Variants in PBX3 observed in about 807,000 individuals in gnomAD.
PBX3 encodes the protein pre-B-cell leukemia transcription factor 3.
In PBX3, 14 loss-of-function variants were observed where a neutral mutation model predicts 48.5. The observed-to-expected ratio is 0.29, with a 90% confidence interval of 0.19 to 0.45. PBX3 has a LOEUF of 0.45. Among genes scored for constraint, PBX3 ranks in the 20% least tolerant of loss-of-function variants. The pLI is 1.00. For missense variants in PBX3, 386 were observed against 546.7 expected (o/e 0.71, Z 2.93); for synonymous variants, 210 against 200.3 (o/e 1.05, Z -0.41).
chr9:125,772,192 G>T (rs10986896), intron 2 of PBX3, among the ~76,000 whole-genome samples: 3,044 of 152,258 alleles, frequency 0.02, 171 homozygotes, highest in East Asian at 0.17. Flanking sequence ...TGCTTATTAT[G>T]TGAAGTATTA....
intron 3 of PBX3, among the ~76,000 whole-genome samples, chr9:125,919,359 A>ATTTTTTTTT (rs34891465): frequency 0.022 from 2,307 of 102,596 alleles, no homozygotes; most frequent in East Asian, 0.03. Flanking sequence ...TGCCCGTCTA[A>ATTTTTTTTT]TTTTTTTTTT....
chr9:125,789,000 T>C (rs1331401471), intron 2 of PBX3, among the ~76,000 whole-genome samples: 2 of 152,244 alleles, frequency 1.3e-5, no homozygotes, highest in Admixed American at 1.3e-4. Context: ...TATTGCATGT[T>C]TTTGAACCTT....
At chr9:125,917,750 G>A (rs1841366207) in intron 3 of PBX3, among the ~76,000 whole-genome samples, 1 of 152,076 alleles carries the variant, frequency 6.6e-6, no homozygotes, top group African/African-American at 2.4e-5. Context: ...AGAAAAATTT[G>A]TATAGCTTTA....
intron 2 of PBX3, among the ~76,000 whole-genome samples, chr9:125,896,857 A>C (rs1181558867): frequency 6.6e-6 from 1 of 152,030 alleles, no homozygotes; most frequent in Non-Finnish European, 1.5e-5. Flanking sequence ...TTTACACTCT[A>C]ACAAATGTTA....
At chr9:125,809,462 T>C (rs1838224471) in intron 2 of PBX3, among the ~76,000 whole-genome samples, 1 of 151,486 alleles carries the variant, frequency 6.6e-6, no homozygotes, top group Admixed American at 6.6e-5. Flanking sequence ...ATCCTAAGGC[T>C]CCAGGTATTA....
chr9:125,887,336 T>G lies in PBX3; in HGVS notation c.275-28350T>G, dbSNP rs72752642. Among the ~76,000 whole-genome samples the G allele has an allele frequency of 7.3e-3, 1,114 of 152,272 alleles. 16 individuals are homozygous for G. Among genetic ancestry groups the G allele is most frequent in the Non-Finnish European group, 9.0e-3 (610 of 67,972 alleles). ...GTATAGCATATTGTAATTTGACACTTAAGTTGTGCCCTGCATTACCCTGTG... is the reference window on the plus strand; with the variant it reads ...GTATAGCATATTGTAATTTGACACTGAAGTTGTGCCCTGCATTACCCTGTG... On this transcript the variant is annotated intron_variant, in intron 2 of 8. Transcript: ENST00000373489.
chr9:125,895,512 G>A (rs1394741559), intron 2 of PBX3, among the ~76,000 whole-genome samples: 1 of 151,952 alleles, frequency 6.6e-6, no homozygotes, highest in Non-Finnish European at 1.5e-5. Flanking sequence ...TAGGTACTCA[G>A]TACACCTGGA....
chr9:125,958,880 T>G (rs1842365834), intron 5 of PBX3, among the ~76,000 whole-genome samples: 1 of 152,216 alleles, frequency 6.6e-6, no homozygotes, highest in Non-Finnish European at 1.5e-5. Context: ...AAACTCACTG[T>G]CTTCCTCTCT....
chr9:125,927,854 C>T (rs1038163974), intron 3 of PBX3, among the ~76,000 whole-genome samples: 1 of 152,006 alleles, frequency 6.6e-6, no homozygotes, highest in African/African-American at 2.4e-5. Flanking sequence ...GTCTGGGCAA[C>T]ATAGCAAGAC....
rs141010380 is a variant in PBX3, at chr9:125,761,304, A to G, written c.274+12681A>G. ...TATTTAATATTGGTTAACTTTTTAGAGTGATCTATTGCATTTGAAAATATT... is the reference window on the plus strand; with the variant it reads ...TATTTAATATTGGTTAACTTTTTAGGGTGATCTATTGCATTTGAAAATATT... On this transcript the variant is annotated intron_variant, in intron 2 of 8. Coordinates refer to ENST00000373489, the MANE Select transcript of PBX3 (RefSeq NM_006195.6). 8.7e-3 allele frequency among the ~76,000 whole-genome samples: 1,321 copies of G among 151,964 alleles called. 59 individuals are homozygous for G. The highest frequency in any genetic ancestry group is 0.068 in the Admixed American group (1,032 of 15,254).
At chr9:125,757,496 G>T (rs577347218) in intron 2 of PBX3, among the ~76,000 whole-genome samples, 34 of 152,042 alleles carry the variant, frequency 2.2e-4, no homozygotes, top group African/African-American at 7.7e-4. Flanking sequence ...ATGTTGATTG[G>T]GACTGTTGGT....
At chr9:125,868,361 G>C (rs1312900808) in intron 2 of PBX3, among the ~76,000 whole-genome samples, 3 of 152,186 alleles carry the variant, frequency 2.0e-5, no homozygotes, top group African/African-American at 7.2e-5. Context: ...TTGTAGTTCA[G>C]TTTCTAGCCA....
chr9:125,792,057 C>T (rs903319231), intron 2 of PBX3, among the ~76,000 whole-genome samples: 2 of 149,008 alleles, frequency 1.3e-5, no homozygotes, highest in Non-Finnish European at 1.5e-5. Flanking sequence ...CACGCACGCA[C>T]GCACGCACGC....
At chr9:125,943,573 C>T (rs1057060217) in intron 5 of PBX3, among the ~76,000 whole-genome samples, 2 of 151,976 alleles carry the variant, frequency 1.3e-5, no homozygotes, top group Non-Finnish European at 2.9e-5. Context: ...TCATGCTAGT[C>T]TCAGCACTGT....
At chr9:125,946,872 G>T (rs1363594450) in intron 5 of PBX3, among the ~76,000 whole-genome samples, 2 of 152,080 alleles carry the variant, frequency 1.3e-5, no homozygotes, top group African/African-American at 2.4e-5. Context: ...AAGAACACCA[G>T]TCCCCAAACA....
intron 3 of PBX3, among the ~76,000 whole-genome samples, chr9:125,927,012 AAAC>A (rs1361525781): frequency 2.0e-5 from 3 of 152,232 alleles, no homozygotes; most frequent in Non-Finnish European, 4.4e-5. Flanking sequence ...TCTGAAAAGA[AAAC>A]AAAAGCTTCA....
rs116474148 is a variant in PBX3, at chr9:125,795,151, T to C, written c.274+46528T>C. Among the ~76,000 whole-genome samples the C allele has an allele frequency of 9.0e-3, 1,375 of 152,318 alleles. 28 individuals carry two copies. Among genetic ancestry groups the C allele is most frequent in the African/African-American group, 0.031 (1,289 of 41,562 alleles). ...TCTTTGCGTCCATGCTCCAGAAGCA[T>C]TTTCTAGATGATTGTTATTCATTAA... On this transcript the variant is annotated intron_variant, in intron 2 of 8. Coordinates refer to ENST00000373489, the MANE Select transcript of PBX3 (RefSeq NM_006195.6).
chr9:125,931,470 G>GT (rs1564178836), intron 4 of PBX3, among the ~76,000 whole-genome samples: 1 of 152,006 alleles, frequency 6.6e-6, no homozygotes. Context: ...GATAATTTTT[G>GT]TATTTTTTGT....
intron 2 of PBX3, among the ~76,000 whole-genome samples, chr9:125,865,730 C>T (rs1393346474): frequency 6.6e-6 from 1 of 152,100 alleles, no homozygotes; most frequent in African/African-American, 2.4e-5. Context: ...GCACTAAACT[C>T]ATTTAAGTCA....
Sources: allele counts gnomAD v4.1 joint callset (sites outside exome capture counted in the v4.1 genomes callset), GRCh38; gene constraint gnomAD v4.1.1; transcripts MANE v1.5; gene names NCBI Gene and HGNC (gene_info 2026-07-23, HGNC 2026-07-21).